The following ZNF804B variants were observed in gnomAD, a reference collection of about 807,000 sequenced individuals.
The protein encoded by ZNF804B is zinc finger 804B.
A neutral mutation model predicts 101.4 loss-of-function variants in ZNF804B; 80 were observed. The ratio of observed to expected loss-of-function variants is 0.79; its 90% CI spans 0.66 to 0.95. ZNF804B has a LOEUF of 0.95. Among genes scored for constraint, ZNF804B ranks in the 40% least tolerant of loss-of-function variants. ZNF804B has a pLI of 0.00. For missense variants in ZNF804B, 1,673 were observed against 1,561.9 expected (o/e 1.07, Z -1.20); for synonymous variants, 622 against 558.8 (o/e 1.11, Z -1.59).
intron 2 of ZNF804B, among the ~76,000 whole-genome samples, chr7:89,240,161 A>G (rs1014191322): frequency 6.6e-6 from 1 of 152,070 alleles, no homozygotes; most frequent in African/African-American, 2.4e-5. Context: ...TCATATTCAA[A>G]TTGTCATTTT....
At chr7:89,093,439 C>G (rs1789924907) in intron 1 of ZNF804B, among the ~76,000 whole-genome samples, 1 of 152,174 alleles carries the variant, frequency 6.6e-6, no homozygotes, top group Admixed American at 6.5e-5. Context: ...TGGGATCCCC[C>G]CAAAACTTCT....
intron 1 of ZNF804B, among the ~76,000 whole-genome samples, chr7:88,993,113 A>G (rs555008491): frequency 1.3e-5 from 2 of 152,136 alleles, no homozygotes; most frequent in African/African-American, 2.4e-5. Context: ...GGTATTCTTT[A>G]TATATATGCT....
intron 1 of ZNF804B, among the ~76,000 whole-genome samples, chr7:89,020,963 C>T (rs1788657597): frequency 1.3e-5 from 2 of 152,000 alleles, no homozygotes; most frequent in South Asian, 4.2e-4. Context: ...CATCTATATC[C>T]TGATGATTAT....
chr7:88,942,510 G>A (rs2116049017), intron 1 of ZNF804B, among the ~76,000 whole-genome samples: 1 of 149,580 alleles, frequency 6.7e-6, no homozygotes, highest in Non-Finnish European at 1.5e-5. Context: ...GAGTGTGTGT[G>A]TGTGTGTGTG....
rs17394252 is a variant in ZNF804B at position 88,994,771 on chromosome 7, A to T, written c.109-223384A>T. On this transcript the variant is annotated intron_variant, in intron 1 of 3. Coordinates refer to ENST00000333190, the MANE Select transcript of ZNF804B (RefSeq NM_181646.5). ...ATTAAATTGGAGTTTGCCTTCTTTTAATCACATTTATTTATTTTTTATCTT... is the reference window on the plus strand; with the variant it reads ...ATTAAATTGGAGTTTGCCTTCTTTTTATCACATTTATTTATTTTTTATCTT... Among the ~76,000 whole-genome samples, 1,303 of 152,180 alleles carry T rather than the reference A, an allele frequency of 8.6e-3. 17 individuals are homozygous for T. The highest frequency in any genetic ancestry group is 0.014 in the Non-Finnish European group (970 of 67,982).
chr7:89,032,533 G>T (rs1011904115), intron 1 of ZNF804B, among the ~76,000 whole-genome samples: 10 of 151,946 alleles, frequency 6.6e-5, no homozygotes, highest in Non-Finnish European at 1.3e-4. Context: ...AAAATTACAA[G>T]GTTATCTTTA....
chr7:88,844,390 C>A (rs1405438498), intron 1 of ZNF804B, among the ~76,000 whole-genome samples: 1 of 152,158 alleles, frequency 6.6e-6, no homozygotes, highest in Non-Finnish European at 1.5e-5. Context: ...TCACCCCCAA[C>A]CTTCTTTTTT....
At chr7:88,966,058 A>G (rs1439143182) in intron 1 of ZNF804B, among the ~76,000 whole-genome samples, 2 of 151,492 alleles carry the variant, frequency 1.3e-5, no homozygotes, top group East Asian at 3.9e-4. Flanking sequence ...TTCATAAGTC[A>G]GTTCCAGAGA....
At chr7:89,012,031 T>C (rs1447543689) in intron 1 of ZNF804B, among the ~76,000 whole-genome samples, 1 of 152,168 alleles carries the variant, frequency 6.6e-6, no homozygotes, top group Non-Finnish European at 1.5e-5. Flanking sequence ...GTACATCCTC[T>C]GAAAGCTAGG....
intron 2 of ZNF804B, among the ~76,000 whole-genome samples, chr7:89,297,097 T>A (rs1790395911): frequency 6.6e-6 from 1 of 152,022 alleles, no homozygotes; most frequent in African/African-American, 2.4e-5. Context: ...TATAAAACTA[T>A]CTTAATTAGT....
intron 1 of ZNF804B, among the ~76,000 whole-genome samples, chr7:88,882,904 G>C (rs1792065344): frequency 6.6e-6 from 1 of 151,902 alleles, no homozygotes; most frequent in African/African-American, 2.4e-5. Context: ...TACCTATTGA[G>C]TACTATGCAC....
intron 1 of ZNF804B, among the ~76,000 whole-genome samples, chr7:88,872,204 C>A (rs1472554639): frequency 6.6e-6 from 1 of 152,108 alleles, no homozygotes; most frequent in Non-Finnish European, 1.5e-5. Context: ...AATTGGGATT[C>A]AGGCGGTTTA....
chr7:89,290,122 A>C (rs1180546062), intron 2 of ZNF804B, among the ~76,000 whole-genome samples: 1 of 151,966 alleles, frequency 6.6e-6, no homozygotes, highest in Non-Finnish European at 1.5e-5. Context: ...CCAGAAGGAA[A>C]TCTGCTGCCT....
chr7:89,214,853 T>C (rs752863177), intron 1 of ZNF804B, among the ~76,000 whole-genome samples: 1 of 152,158 alleles, frequency 6.6e-6, no homozygotes, highest in South Asian at 2.1e-4. Context: ...TAATAAACAG[T>C]TGAATGAATG....
chr7:89,126,852 T>G (rs575964207), intron 1 of ZNF804B, among the ~76,000 whole-genome samples: 1 of 152,092 alleles, frequency 6.6e-6, no homozygotes, highest in South Asian at 2.1e-4. Flanking sequence ...GATGGTAACA[T>G]GATAAATAGA....
chr7:89,007,319 CT>C (rs962169358), intron 1 of ZNF804B, among the ~76,000 whole-genome samples: 1 of 150,552 alleles, frequency 6.6e-6, no homozygotes, highest in African/African-American at 2.4e-5. Context: ...TCTCGTTAAG[CT>C]AGTTTATGTT....
intron 1 of ZNF804B, among the ~76,000 whole-genome samples, chr7:89,026,082 C>A (rs1788746800): frequency 6.6e-6 from 1 of 152,096 alleles, no homozygotes; most frequent in Non-Finnish European, 1.5e-5. Context: ...ATTCCTTCAA[C>A]AAATGTGCAT....
intron 2 of ZNF804B, among the ~76,000 whole-genome samples, chr7:89,291,079 T>C (rs1790282719): frequency 1.3e-5 from 2 of 152,200 alleles, no homozygotes. Flanking sequence ...TTACTGGGCT[T>C]GGAGTCCCAC....
chr7:89,291,064 C>T (rs1253855758), intron 2 of ZNF804B, among the ~76,000 whole-genome samples: 1 of 152,188 alleles, frequency 6.6e-6, no homozygotes, highest in Admixed American at 6.5e-5. Flanking sequence ...GCAAGAACCA[C>T]AGTGTTACTG....
Sources: allele counts gnomAD v4.1 joint callset (sites outside exome capture counted in the v4.1 genomes callset), GRCh38; gene constraint gnomAD v4.1.1; transcripts MANE v1.5; gene names NCBI Gene and HGNC (gene_info 2026-07-23, HGNC 2026-07-21).